The following PCDHGB5 variants were observed in gnomAD, a reference collection of about 807,000 sequenced individuals.
PCDHGB5 encodes protocadherin gamma subfamily B, 5, also known as protocadherin gamma-B5.
A neutral mutation model predicts 62.9 loss-of-function variants in PCDHGB5; 48 were observed. The ratio of observed to expected loss-of-function variants is 0.76; its 90% CI spans 0.61 to 0.97. The LOEUF is 0.97. PCDHGB5 is among the 50% of genes least tolerant of loss of function. The pLI, the probability that PCDHGB5 is intolerant of heterozygous loss-of-function variation, is 0.00. For missense variants in PCDHGB5, 1,118 were observed against 1,198.6 expected (o/e 0.93, Z 0.99); for synonymous variants, 474 against 511.2 (o/e 0.93, Z 0.98).
intron 1 of PCDHGB5, among the ~76,000 whole-genome samples, chr5:141,443,323 A>AG (rs1262238603): frequency 1.3e-5 from 2 of 151,732 alleles, no homozygotes; most frequent in African/African-American, 4.9e-5. Context: ...TCTACAAAAA[A>AG]AAAAAACAAA....
Position 141,477,656 on chromosome 5 carries a change from C to T in PCDHGB5, c.2398-17151C>T, listed in dbSNP as rs755621234. The T allele has an allele frequency of 1.9e-6, 3 of 1,614,184 alleles. No homozygotes were observed. The South Asian group carries it at 3.3e-5, about 18-fold the overall frequency. ...AGTGGGTCGCTATTTCACAATAAATCGTGACAATGGCATAGTGTCATCCTT... is the reference window on the plus strand; with the variant it reads ...AGTGGGTCGCTATTTCACAATAAATTGTGACAATGGCATAGTGTCATCCTT... On this transcript the variant is annotated intron_variant, in intron 1 of 3. Transcript: ENST00000617380. The surrounding 1 kb of genome is among the most constrained non-coding windows in gnomAD (Gnocchi z 4.9).
Position 141,486,595 on chromosome 5 carries a change from T to G in PCDHGB5, c.2398-8212T>G. ...AGAACAATCGCCCAGGGGACCTGCTTTGCTCCCTTGCAGCCTCTGACCCAG... is the reference window on the plus strand; with the variant it reads ...AGAACAATCGCCCAGGGGACCTGCTGTGCTCCCTTGCAGCCTCTGACCCAG... On this transcript the variant is annotated intron_variant, in intron 1 of 3. Coordinates refer to ENST00000617380, the MANE Select transcript of PCDHGB5 (RefSeq NM_018925.3). This position sits in a 1 kb window ranked among gnomAD's most constrained non-coding sequence, Gnocchi z 5.0. The G allele has an allele frequency of 6.2e-7, 1 of 1,613,614 alleles. No homozygotes were observed. Among genetic ancestry groups the G allele is most frequent in the Non-Finnish European group, 8.5e-7 (1 of 1,180,016 alleles).
At chr5:141,474,912 C>T (rs1018411233) in intron 1 of PCDHGB5, among the ~76,000 whole-genome samples, 6 of 152,214 alleles carry the variant, frequency 3.9e-5, no homozygotes, top group African/African-American at 1.2e-4. Flanking sequence ...CAAGGATATA[C>T]ATCTCATCTC....
intron 1 of PCDHGB5, chr5:141,418,648 A>G (rs1387887578): frequency 1.2e-6 from 2 of 1,614,036 alleles, no homozygotes; most frequent in Non-Finnish European, 1.7e-6. Flanking sequence ...CCATCCTGAG[A>G]GTGAAGGCCA....
chr5:141,445,034 A>T (rs963629240), intron 1 of PCDHGB5, among the ~76,000 whole-genome samples: 4 of 152,156 alleles, frequency 2.6e-5, no homozygotes, highest in Admixed American at 2.0e-4. Context: ...GCTATGTTGT[A>T]TAGTTTTCAG....
chr5:141,426,646 T>C (rs764903298), intron 1 of PCDHGB5: 1 of 416,448 alleles, frequency 2.4e-6, no homozygotes, highest in South Asian at 1.7e-5. Flanking sequence ...ATAAATGTGA[T>C]GATAGAAGAT....
In PCDHGB5 at chr5:141,477,070, T is replaced by A; in HGVS notation, c.2398-17737T>A. 6.2e-7 allele frequency: 1 copy of A among 1,613,342 alleles called. No individual in the cohort carries two copies. The highest frequency in any genetic ancestry group is 8.5e-7 in the Non-Finnish European group (1 of 1,179,244). ...TGGACTTCGAGGACACCAAACTCCATGAGATTTACATCCAGGCCAAAGACA... is the reference window on the plus strand; with the variant it reads ...TGGACTTCGAGGACACCAAACTCCAAGAGATTTACATCCAGGCCAAAGACA... On this transcript the variant is annotated intron_variant, in intron 1 of 3. Coordinates refer to ENST00000617380, the MANE Select transcript of PCDHGB5 (RefSeq NM_018925.3). The surrounding 1 kb of genome is among the most constrained non-coding windows in gnomAD (Gnocchi z 4.9).
chr5:141,399,655 G>A lies in PCDHGB5; in HGVS notation c.1528G>A (p.Val510Met). Residue 510 changes from valine (V) to methionine (M), a missense_variant, in exon 1 of 4, where the codon GTG becomes ATG. By Grantham distance (21) the Val-to-Met change is conservative. Coordinates refer to ENST00000617380, the MANE Select transcript of PCDHGB5 (RefSeq NM_018925.3). Reference sequence around the variant, plus strand: ...GTCCATGAGCGCGCAAAGTGGGGTGGTGTTCGCGCAGCGCGCCTTTGACTA... The same window carrying A: ...GTCCATGAGCGCGCAAAGTGGGGTGATGTTCGCGCAGCGCGCCTTTGACTA... ...YVSMSAQSGV[V>M]FAQRAFDYEQ... 2 of 1,613,730 alleles carry A rather than the reference G, an allele frequency of 1.2e-6. No homozygotes were observed. Among genetic ancestry groups the A allele is most frequent in the South Asian group, 1.1e-5 (1 of 91,072 alleles).
chr5:141,425,217 T>G (rs565640413), intron 1 of PCDHGB5, among the ~76,000 whole-genome samples: 51 of 152,294 alleles, frequency 3.3e-4, no homozygotes, highest in Middle Eastern at 3.4e-3. Flanking sequence ...GCATTGTACT[T>G]TGACTGGAAT....
At chr5:141,430,301 C>G (rs985986465) in intron 1 of PCDHGB5, among the ~76,000 whole-genome samples, 2 of 150,982 alleles carry the variant, frequency 1.3e-5, no homozygotes, top group Non-Finnish European at 2.9e-5. Context: ...AGCAGATGCA[C>G]TAACATTATA....
chr5:141,450,991 A>AT (rs1351194705), intron 1 of PCDHGB5, among the ~76,000 whole-genome samples: 1 of 150,700 alleles, frequency 6.6e-6, no homozygotes. Context: ...CACCCGGCTA[A>AT]TTTTTTTGTA....
At chr5:141,419,939 G>T in intron 1 of PCDHGB5, 1 of 1,614,054 alleles carries the variant, frequency 6.2e-7, no homozygotes. Flanking sequence ...TTACCTGGTG[G>T]TGGCCTTGGC....
chr5:141,464,144 A>G (rs1305530394), intron 1 of PCDHGB5, among the ~76,000 whole-genome samples: 1 of 152,030 alleles, frequency 6.6e-6, no homozygotes, highest in South Asian at 2.1e-4. Context: ...GGGCGCCTGT[A>G]GTCCCAGCTA....
rs186484297 is a variant in PCDHGB5 at position 141,453,739 on chromosome 5, A to G, written c.2398-41068A>G. ...TAAAAATATTTGTTACTACAGCTTA[A>G]ATAACATAAGTCTCCTAAAAATAAT... On this transcript the variant is annotated intron_variant, in intron 1 of 3. Coordinates refer to ENST00000617380, the MANE Select transcript of PCDHGB5 (RefSeq NM_018925.3). Among the ~76,000 whole-genome samples, 2 of 152,370 alleles carry G rather than the reference A, an allele frequency of 1.3e-5. 1 individual carries two copies. Among genetic ancestry groups the G allele is most frequent in the Admixed American group, 1.3e-4 (2 of 15,300 alleles).
chr5:141,476,357 C>G lies in PCDHGB5; in HGVS notation c.2398-18450C>G. On this transcript the variant is annotated intron_variant, in intron 1 of 3. Transcript: ENST00000617380. The surrounding 1 kb of genome is among the most constrained non-coding windows in gnomAD (Gnocchi z 7.6). ...TAGCCGAAGATTCTTTGAGGTGAAC[C>G]GGGAGACCGGAGAGATGTTTGTGAA... The G allele has an allele frequency of 6.2e-7, 1 of 1,614,052 alleles. No individual in the cohort carries two copies. Among genetic ancestry groups the G allele is most frequent in the South Asian group, 1.1e-5 (1 of 91,078 alleles).
chr5:141,467,233 A>G (rs1009794220), intron 1 of PCDHGB5, among the ~76,000 whole-genome samples: 1 of 151,564 alleles, frequency 6.6e-6, no homozygotes, highest in South Asian at 2.1e-4. Flanking sequence ...TTGTATTTTT[A>G]GTAGAGATGG....
intron 1 of PCDHGB5, among the ~76,000 whole-genome samples, chr5:141,433,653 T>C (rs1030084681): frequency 6.6e-6 from 1 of 152,024 alleles, no homozygotes; most frequent in Non-Finnish European, 1.5e-5. Flanking sequence ...CTGACCAACA[T>C]GGAGAAACCC....
At chr5:141,416,093 C>T (rs1241017265) in intron 1 of PCDHGB5, 1 of 162,720 alleles carries the variant, frequency 6.1e-6, no homozygotes, top group Admixed American at 6.4e-5. Flanking sequence ...AGGAGAAGGG[C>T]AATAGGCCTT....
In PCDHGB5 at chr5:141,490,673, C is replaced by T; in HGVS notation, c.2398-4134C>T. ...GGCTCCCTTCTTTGCACTGTGGCTG[C>T]CTCAGATCCAGACACTGGGGATAAT... On this transcript the variant is annotated intron_variant, in intron 1 of 3. Coordinates refer to ENST00000617380, the MANE Select transcript of PCDHGB5 (RefSeq NM_018925.3). This position sits in a 1 kb window ranked among gnomAD's most constrained non-coding sequence, Gnocchi z 5.4. 1.2e-6 allele frequency: 2 copies of T among 1,614,126 alleles called. No homozygotes were observed. The highest frequency in any genetic ancestry group is 1.7e-6 in the Non-Finnish European group (2 of 1,179,952).
Sources: allele counts gnomAD v4.1 joint callset (sites outside exome capture counted in the v4.1 genomes callset), GRCh38; gene constraint gnomAD v4.1.1; non-coding constraint Gnocchi (gnomAD v3.1); transcripts MANE v1.5; gene names NCBI Gene and HGNC (gene_info 2026-07-23, HGNC 2026-07-21).